Variants in ABCC2 observed in about 807,000 individuals in gnomAD.
ABCC2 encodes the protein ATP-binding cassette sub-family C member 2.
A neutral mutation model predicts 173.4 loss-of-function variants in ABCC2; 157 were observed. The ratio of observed to expected loss-of-function variants is 0.91; its 90% CI spans 0.80 to 1.03. The LOEUF is 1.03. Among genes scored for constraint, ABCC2 ranks in the 50% least tolerant of loss-of-function variants. The pLI is 0.00. For synonymous variants in ABCC2, 657 were observed against 693.5 expected (o/e 0.95, Z 0.83); for missense variants, 1,822 against 1,852.3 (o/e 0.98, Z 0.30).
At position 99,797,136 on chromosome 10, in the gene ABCC2, G is replaced by C; in HGVS notation, c.672G>C (p.Glu224Asp). Residue 224 changes from glutamate (E) to aspartate (D), a missense_variant, in exon 7 of 32, where the codon GAG (glutamate) becomes GAC (aspartate). Coordinates refer to ENST00000647814, the MANE Select transcript of ABCC2 (RefSeq NM_000392.5). ...GCTACAAGCGTCCTCTGACACTCGA[G>C]GATGTCTGGGAAGTTGATGAAGAGA... ...LKGYKRPLTL[E>D]DVWEVDEEMK... 1.2e-6 allele frequency: 2 copies of C among 1,614,150 alleles called. No homozygotes were observed. Among genetic ancestry groups the C allele is most frequent in the Non-Finnish European group, 1.7e-6 (2 of 1,180,008 alleles).
At chr10:99,821,962 A>T (rs1252403720) in intron 19 of ABCC2, among the ~76,000 whole-genome samples, 3 of 152,038 alleles carry the variant, frequency 2.0e-5, no homozygotes, top group African/African-American at 7.2e-5. Context: ...GACTGCAGGC[A>T]TTAAACATCC....
Position 99,841,705 on chromosome 10 carries a change from C to T in ABCC2, c.3615-262C>T, listed in dbSNP as rs118027366. Among the ~76,000 whole-genome samples, 35 of 152,188 alleles carry T rather than the reference C, an allele frequency of 2.3e-4. 2 individuals carry two copies. The East Asian group carries it at 6.8e-3, about 29-fold the overall frequency. ...GCCCTAGGTGATTCTTATGATTTGG[C>T]GAGTTTGGTAGACATTGCACTGTAG... On this transcript the variant is annotated intron_variant, in intron 25 of 31. Transcript: ENST00000647814.
chr10:99,814,140 T>C (rs79287737), intron 16 of ABCC2, among the ~76,000 whole-genome samples: 1,459 of 70,614 alleles, frequency 0.021, 343 homozygotes, highest in African/African-American at 0.076. Context: ...TGTGTATATA[T>C]ACACACATGT....
rs148770649 is a variant in ABCC2, at chr10:99,830,767, T to C, written c.2799T>C (p.Thr933=). 3.7e-6 allele frequency: 6 copies of C among 1,613,902 alleles called. No individual in the cohort carries two copies. The highest frequency in any genetic ancestry group is 5.1e-6 in the Non-Finnish European group (6 of 1,180,018). ...AGTCCCTGAGAAACTCCTTGAAAAC[T>C]CGGAATGTGAATAGCCTGAAGGAAG... ...HLKSLRNSLK[T]RNVNSLKEDE... The change falls in exon 21 of 32, where the codon ACT becomes ACC. Residue 933 remains threonine (T), a synonymous_variant. Coordinates refer to ENST00000647814, the MANE Select transcript of ABCC2 (RefSeq NM_000392.5).
intron 25 of ABCC2, among the ~76,000 whole-genome samples, chr10:99,841,076 T>C (rs1028838508): frequency 6.6e-6 from 1 of 152,198 alleles, no homozygotes; most frequent in African/African-American, 2.4e-5. Context: ...TATCTCCCTG[T>C]GGCCAACTTG....
intron 3 of ABCC2, among the ~76,000 whole-genome samples, chr10:99,793,224 A>G (rs1226822812): frequency 6.6e-6 from 1 of 152,200 alleles, no homozygotes; most frequent in East Asian, 1.9e-4. Flanking sequence ...TACTACTGCA[A>G]TGTCTGAATT....
chr10:99,803,980 G>T lies in ABCC2; in HGVS notation c.1210-39G>T, dbSNP rs777854440. On this transcript the variant is annotated intron_variant, in intron 9 of 31. Coordinates refer to ENST00000647814, the MANE Select transcript of ABCC2 (RefSeq NM_000392.5). Reference sequence around the variant, plus strand: ...CCTCTTCTACTCCCTAGTATCCTTGGCTTTGTCCATGGGTCCTAATTTCAA... The same window carrying T: ...CCTCTTCTACTCCCTAGTATCCTTGTCTTTGTCCATGGGTCCTAATTTCAA... 33 of 1,613,522 alleles carry T rather than the reference G, an allele frequency of 2.0e-5. No individual in the cohort carries two copies. In the East Asian group the frequency reaches 7.1e-4, roughly 35 times the overall value.
At chr10:99,818,998 T>G (rs753013428) in intron 18 of ABCC2, 41 bp downstream of exon 18, 4 of 1,522,514 alleles carry the variant, frequency 2.6e-6, no homozygotes, top group African/African-American at 1.4e-5. Context: ...AAAGGTGGGG[T>G]GGGAGGGAGA....
At chr10:99,797,822 G>A (rs905470165) in intron 7 of ABCC2, 8 of 192,126 alleles carry the variant, frequency 4.2e-5, no homozygotes, top group African/African-American at 1.4e-4. Flanking sequence ...AGTGAAGTGC[G>A]ACTTGAGACA....
intron 9 of ABCC2, among the ~76,000 whole-genome samples, chr10:99,803,237 A>G (rs2038042275): frequency 6.6e-6 from 1 of 152,178 alleles, no homozygotes; most frequent in Non-Finnish European, 1.5e-5. Context: ...CCAAAGTGCT[A>G]GGATTACAGG....
Position 99,851,858 on chromosome 10 carries a change from C to A in ABCC2, c.*227C>A. 1 of 443,926 alleles carries A rather than the reference C, an allele frequency of 2.3e-6. No individual in the cohort carries two copies. The highest frequency in any genetic ancestry group is 3.9e-6 in the Non-Finnish European group (1 of 253,184). 27.5% of individuals were successfully genotyped at this position (443,926 alleles called of 1,614,324 possible). A position where few individuals can be genotyped will look rare whatever the true frequency, so the allele number is the denominator to read the frequency against. The stretch of plus-strand genomic sequence containing the variant: ...GATCGTACTTCCTTGCTACCCACCC[C>A]TCCCAGGGACAACCACTGTCCTGAA... On this transcript the variant is annotated 3_prime_UTR_variant, in exon 32 of 32. Transcript: ENST00000647814.
intron 15 of ABCC2, 74 bp downstream of exon 15, chr10:99,811,676 T>C: frequency 6.7e-7 from 1 of 1,491,680 alleles, no homozygotes; most frequent in African/African-American, 1.4e-5. Flanking sequence ...AAATTCCATG[T>C]AATAGAATGC....
At chr10:99,850,401 G>T (rs1018259865) in intron 30 of ABCC2, among the ~76,000 whole-genome samples, 8 of 152,210 alleles carry the variant, frequency 5.3e-5, no homozygotes, top group Non-Finnish European at 1.0e-4. Flanking sequence ...TAAGTACTTG[G>T]GGTGGGTCTT....
At chr10:99,812,736 G>T (rs1228401252) in intron 15 of ABCC2, among the ~76,000 whole-genome samples, 1 of 152,176 alleles carries the variant, frequency 6.6e-6, no homozygotes, top group Non-Finnish European at 1.5e-5. Context: ...AGTTCTAGGA[G>T]AATTTTATCA....
At chr10:99,814,387 ATATATG>A in intron 16 of ABCC2, among the ~76,000 whole-genome samples, 1 of 138,150 alleles carries the variant, frequency 7.2e-6, no homozygotes, top group African/African-American at 2.6e-5. Context: ...ACATATATAC[ATATATG>A]GGTATATATA....
chr10:99,835,361 G>A (rs777467069), intron 24 of ABCC2, among the ~76,000 whole-genome samples: 21 of 152,010 alleles, frequency 1.4e-4, no homozygotes, highest in Non-Finnish European at 7.4e-5. Context: ...GGTTATTGGA[G>A]GGAACATCTG....
intron 25 of ABCC2, among the ~76,000 whole-genome samples, chr10:99,836,935 A>C (rs1232669589): frequency 6.6e-6 from 1 of 152,174 alleles, no homozygotes; most frequent in African/African-American, 2.4e-5. Context: ...TGAGGCGCTA[A>C]AGATGCTCAG....
chr10:99,819,974 C>G (rs761619587), intron 19 of ABCC2, among the ~76,000 whole-genome samples: 4 of 152,158 alleles, frequency 2.6e-5, no homozygotes, highest in Non-Finnish European at 4.4e-5. Context: ...GAGTTCAGGT[C>G]GAGAAAGCCA....
At position 99,792,308 on chromosome 10, in the gene ABCC2, C is replaced by T. The variant is rs746675711; in HGVS notation, c.282C>T (p.Ala94=). ...ALVLTEDSGQ[A]TVPAVRYTNP... is the part of the protein sequence containing the mutation. ...TACTCACAGAAGACTCTGGACAAGC[C>T]ACAGTCCCTGCTGTTCGATATACCA... The change falls in exon 3 of 32, where the codon GCC becomes GCT. Residue 94 remains alanine, a synonymous_variant. Coordinates refer to ENST00000647814, the MANE Select transcript of ABCC2 (RefSeq NM_000392.5). 5 of 1,614,092 alleles carry T rather than the reference C, an allele frequency of 3.1e-6. No homozygotes were observed. The highest frequency in any genetic ancestry group is 4.2e-6 in the Non-Finnish European group (5 of 1,179,992).
Sources: allele counts gnomAD v4.1 joint callset (sites outside exome capture counted in the v4.1 genomes callset), GRCh38; gene constraint gnomAD v4.1.1; transcripts MANE v1.5; gene names NCBI Gene and HGNC (gene_info 2026-07-23, HGNC 2026-07-21).